Variants in SNRK observed in about 807,000 individuals in gnomAD.
SNRK encodes SNF-related serine/threonine-protein kinase.
SNRK carries 3 observed loss-of-function variants against 48.2 expected under a neutral mutation model. The ratio of observed to expected loss-of-function variants is 0.06; its 90% CI spans 0.03 to 0.16. The LOEUF (loss-of-function observed/expected upper bound fraction) is 0.16, where lower values mean the gene tolerates loss of function less well. Ranked by LOEUF, SNRK falls within the 10% of genes least tolerant of loss-of-function variation. SNRK has a pLI of 1.00. For missense variants in SNRK, 627 were observed against 976.0 expected (o/e 0.64, Z 4.76); for synonymous variants, 376 against 366.1 (o/e 1.03, Z -0.31).
intron 6 of SNRK, among the ~76,000 whole-genome samples, chr3:43,344,037 A>T (rs1481956021): frequency 6.6e-6 from 1 of 152,142 alleles, no homozygotes; most frequent in Non-Finnish European, 1.5e-5. Context: ...AAAAGTAACA[A>T]TGCTATTTAC....
chr3:43,333,666 C>A (rs762481281), intron 4 of SNRK, among the ~76,000 whole-genome samples: 15 of 152,056 alleles, frequency 9.9e-5, no homozygotes, highest in Non-Finnish European at 1.9e-4. Flanking sequence ...TGTTGTAATT[C>A]AAGGAGTATT....
At chr3:43,304,675 T>C (rs1424158060) in intron 3 of SNRK, among the ~76,000 whole-genome samples, 3 of 152,142 alleles carry the variant, frequency 2.0e-5, no homozygotes, top group African/African-American at 7.2e-5. Flanking sequence ...AAAAAATACA[T>C]GCACATGATG....
chr3:43,310,120 C>A (rs1286699099), intron 3 of SNRK, among the ~76,000 whole-genome samples: 4 of 152,036 alleles, frequency 2.6e-5, no homozygotes, highest in African/African-American at 9.7e-5. Flanking sequence ...TGAGGTATGC[C>A]TGTGTATAGC....
In SNRK at chr3:43,340,312, G is replaced by A. The variant is rs368466705; in HGVS notation, c.757G>A (p.Asp253Asn). 1 of 1,614,000 alleles carries A rather than the reference G, an allele frequency of 6.2e-7. No individual in the cohort carries two copies. The highest frequency in any genetic ancestry group is 8.5e-7 in the Non-Finnish European group (1 of 1,180,018). Residue 253 changes from aspartate to asparagine, a missense_variant, in exon 5 of 7, where the codon GAT becomes AAT. Asp to Asn is a conservative substitution (Grantham distance 23). Around this residue, in one of 4 missense-constraint regions of SNRK, gnomAD observed 147 missense variants for 356.8 expected, o/e 0.41. Transcript: ENST00000296088. Reference sequence around the variant, plus strand: ...CCTAATCACACGGATGCTACAGAGAGATCCCAAGAGAAGGGCTTCTTTAGA... The same window carrying A: ...CCTAATCACACGGATGCTACAGAGAAATCCCAAGAGAAGGGCTTCTTTAGA... ...KDLITRMLQR[D>N]PKRRASLEEI...
chr3:43,315,691 A>G (rs2091008512), intron 3 of SNRK, among the ~76,000 whole-genome samples: 1 of 152,226 alleles, frequency 6.6e-6, no homozygotes, highest in Non-Finnish European at 1.5e-5. Flanking sequence ...AGTAAGTTTT[A>G]TTAAAAATAA....
chr3:43,339,099 C>G (rs1301424500), intron 4 of SNRK, among the ~76,000 whole-genome samples: 1 of 152,080 alleles, frequency 6.6e-6, no homozygotes, highest in Non-Finnish European at 1.5e-5. Context: ...AGTTACATTC[C>G]TACAGGAAGG....
intron 3 of SNRK, among the ~76,000 whole-genome samples, chr3:43,312,396 A>G (rs2090985026): frequency 1.3e-5 from 2 of 152,194 alleles, no homozygotes; most frequent in Non-Finnish European, 2.9e-5. Flanking sequence ...TGTGTAAAAA[A>G]CTAGACATCT....
chr3:43,347,315 C>A lies in SNRK; in HGVS notation c.1080-24C>A, dbSNP rs547883631. 2.2e-4 allele frequency: 329 copies of A among 1,521,848 alleles called. 5 individuals carry two copies. The South Asian group carries it at 4.1e-3, about 19-fold the overall frequency. The allele number at this position is 1,521,848 out of a possible 1,614,324, so 94.3% of individuals were successfully genotyped here. ...TGCATAATGATTATATGGCTTTTTT[C>A]CCCCCAATCTATCTGTTACATAGGC... On this transcript the variant is annotated intron_variant, in intron 6 of 6. Transcript: ENST00000296088. This position sits in a 1 kb window ranked among gnomAD's most constrained non-coding sequence, Gnocchi z 5.4.
intron 2 of SNRK, 125 bp from the exon 3 acceptor site, chr3:43,302,972 AT>A (rs1422410577): frequency 7.1e-6 from 3 of 422,658 alleles, no homozygotes; most frequent in Non-Finnish European, 8.3e-6. Context: ...ACCCTGACTC[AT>A]TTTTTATCTC....
chr3:43,289,932 G>A (rs1422117520), intron 1 of SNRK: 2 of 152,620 alleles, frequency 1.3e-5, no homozygotes, highest in African/African-American at 4.8e-5. Flanking sequence ...AAGTTTTGGA[G>A]TATCTTCAGG....
At position 43,321,926 on chromosome 3, in the gene SNRK, G is replaced by A. The variant is rs563238454; in HGVS notation, c.590-10243G>A. On this transcript the variant is annotated intron_variant, in intron 3 of 6. Coordinates refer to ENST00000296088, the MANE Select transcript of SNRK (RefSeq NM_017719.5). Reference sequence around the variant, plus strand: ...TGGCAAGTCCCAGGACACAAAGTGCGGTGGTGCTGTCTCACCTAGGTCCCT... The same window carrying A: ...TGGCAAGTCCCAGGACACAAAGTGCAGTGGTGCTGTCTCACCTAGGTCCCT... 5.6e-4 allele frequency among the ~76,000 whole-genome samples: 85 copies of A among 152,344 alleles called. 1 individual carries two copies. The South Asian group carries it at 0.016, about 29-fold the overall frequency.
rs1024011182 is a variant in SNRK, at chr3:43,349,498, T to C, written c.*941T>C. 3 of 152,356 alleles carry C rather than the reference T, an allele frequency of 2.0e-5. No individual in the cohort carries two copies. The highest frequency in any genetic ancestry group is 1.9e-4 in the East Asian group (1 of 5,188). The allele number at this position is 152,356 out of a possible 1,614,324, so 9.4% of individuals were successfully genotyped here. ...AATTAAAACCTACTGGAATTTGGTT[T>C]TTAGGAGTTTGGTAATTAGATTATC... On this transcript the variant is annotated 3_prime_UTR_variant, in exon 7 of 7. Transcript: ENST00000296088.
At chr3:43,307,685 A>ATCTC (rs145070630) in intron 3 of SNRK, among the ~76,000 whole-genome samples, 11 of 150,362 alleles carry the variant, frequency 7.3e-5, no homozygotes, top group Non-Finnish European at 1.3e-4. Context: ...CCATTCCCCC[A>ATCTC]TCTCTCTCTC....
chr3:43,338,188 C>T lies in SNRK; in HGVS notation c.732-2099C>T, dbSNP rs1004776699. ...TAAAAATTTCATATTTACCCAGATG[C>T]TTGACAGAAACTGTTTACCCTTCCA... On this transcript the variant is annotated intron_variant, in intron 4 of 6. Transcript: ENST00000296088. Among the ~76,000 whole-genome samples the T allele has an allele frequency of 7.9e-5, 12 of 152,204 alleles. No individual in the cohort carries two copies. In the East Asian group the frequency reaches 1.9e-3, roughly 24 times the overall value.
At chr3:43,320,210 A>T (rs913904897) in intron 3 of SNRK, among the ~76,000 whole-genome samples, 4 of 152,076 alleles carry the variant, frequency 2.6e-5, no homozygotes, top group Middle Eastern at 3.2e-3. Context: ...GGAAAATTGG[A>T]GGTAAGGTTA....
chr3:43,343,270 T>C, intron 5 of SNRK, 74 bp from the exon 6 acceptor site: 2 of 1,494,960 alleles, frequency 1.3e-6, no homozygotes, highest in Middle Eastern at 3.6e-4. Flanking sequence ...CTTGTACTTT[T>C]AAAAATCAAT....
chr3:43,294,155 A>C (rs968602229), intron 1 of SNRK, among the ~76,000 whole-genome samples: 1 of 152,184 alleles, frequency 6.6e-6, no homozygotes, highest in African/African-American at 2.4e-5. Context: ...TTGAATATAA[A>C]TATTTGTCCT....
chr3:43,300,195 TTATTTC>T (rs2090888459), intron 2 of SNRK, among the ~76,000 whole-genome samples: 1 of 152,162 alleles, frequency 6.6e-6, no homozygotes, highest in Non-Finnish European at 1.5e-5. Flanking sequence ...ACCAATTAGA[TTATTTC>T]TATTTAATCT....
At chr3:43,336,980 C>T (rs926431283) in intron 4 of SNRK, among the ~76,000 whole-genome samples, 3 of 152,150 alleles carry the variant, frequency 2.0e-5, no homozygotes, top group Admixed American at 2.0e-4. Context: ...TCTCGATCTC[C>T]TGACCTCGTG....
Sources: allele counts gnomAD v4.1 joint callset (sites outside exome capture counted in the v4.1 genomes callset), GRCh38; gene constraint gnomAD v4.1.1; regional missense constraint gnomAD v4.1.1; non-coding constraint Gnocchi (gnomAD v3.1); transcripts MANE v1.5; gene names NCBI Gene and HGNC (gene_info 2026-07-23, HGNC 2026-07-21).